URB2: variants seen among roughly 807,000 people sequenced by gnomAD.
URB2 encodes the protein URB2 ribosome biogenesis homolog, also known as unhealthy ribosome biogenesis protein 2 homolog.
A neutral mutation model predicts 120.9 loss-of-function variants in URB2; 86 were observed. The observed-to-expected ratio is 0.71, with a 90% CI of 0.60 to 0.85. The LOEUF (loss-of-function observed/expected upper bound fraction) is 0.85. URB2 is among the 40% of genes least tolerant of loss of function. The pLI is 0.00. For missense variants in URB2, 1,765 were observed against 1,836.5 expected, an observed-to-expected ratio of 0.96 and a Z score of 0.71; for synonymous variants, 755 against 758.4, an observed-to-expected ratio of 1.00 and a Z score of 0.07.
chr1:229,628,190 A>AATATATATGTATATATATTATACATATAC (rs1665570308), intron 2 of URB2, among the ~76,000 whole-genome samples: 1 of 144,500 alleles, frequency 6.9e-6, no homozygotes, highest in Non-Finnish European at 1.5e-5. Flanking sequence ...TAATATATAT[A>AATATATATGTATATATATTATACATATAC]ATATATATGT....
chr1:229,627,926 A>G (rs1390409859), intron 2 of URB2, among the ~76,000 whole-genome samples, 167 bp downstream of exon 2: 1 of 151,464 alleles, frequency 6.6e-6, no homozygotes, highest in Non-Finnish European at 1.5e-5. Context: ...TGAGTCAGGT[A>G]CTTCATTAAT....
intron 2 of URB2, among the ~76,000 whole-genome samples, chr1:229,628,181 AAT>A (rs1262734852): frequency 2.8e-5 from 2 of 70,742 alleles, no homozygotes; most frequent in Non-Finnish European, 6.6e-5. Flanking sequence ...ATATGTATAT[AAT>A]ATATATAATA....
rs1479764145 is a variant in URB2 at position 229,659,994 on chromosome 1, G to A, written c.*697G>A. 1 of 152,166 alleles carries A rather than the reference G, an allele frequency of 6.6e-6. No homozygotes were observed. Among genetic ancestry groups the A allele is most frequent in the African/African-American group, 2.4e-5 (1 of 41,514 alleles). The allele number at this position is 152,166 out of a possible 1,614,324, so 9.4% of individuals were successfully genotyped here. On this transcript the variant is annotated 3_prime_UTR_variant, in exon 10 of 10. Coordinates refer to ENST00000258243, the MANE Select transcript of URB2 (RefSeq NM_014777.4). ...CTAATTGTTTTTTCTTATTACCTAAGCAATATATTTTTATTATAGCAACCT... is the reference window on the plus strand; with the variant it reads ...CTAATTGTTTTTTCTTATTACCTAAACAATATATTTTTATTATAGCAACCT...
rs1433273209 is a variant in URB2, at chr1:229,638,247, G to A, written c.3634G>A (p.Asp1212Asn). 3.1e-6 allele frequency: 5 copies of A among 1,588,174 alleles called. No homozygotes were observed. In the South Asian group the frequency reaches 4.6e-5, roughly 15 times the overall value. The change falls in exon 4 of 10, where the codon GAT becomes AAT. Residue 1212 changes from aspartate to asparagine, a missense_variant and splice_region_variant. Coordinates refer to ENST00000258243, the MANE Select transcript of URB2 (RefSeq NM_014777.4). Reference sequence around the variant, plus strand: ...TCATTCTGTGAGAAGAGTTCTTGCAGGTAAGATATTTTCTCTTGAGCTAAT... The same window carrying A: ...TCATTCTGTGAGAAGAGTTCTTGCAAGTAAGATATTTTCTCTTGAGCTAAT... ...MFHSVRRVLA[D>N]PEIPVQVTQD...
chr1:229,652,908 A>C (rs1666315082), intron 8 of URB2, among the ~76,000 whole-genome samples: 1 of 151,648 alleles, frequency 6.6e-6, no homozygotes, highest in Non-Finnish European at 1.5e-5. Context: ...TAGCTTCGTC[A>C]TCTTATCTGC....
chr1:229,635,831 G>A lies in URB2; in HGVS notation c.1218G>A (p.Pro406=), dbSNP rs1665791627. ...TAAACCATGCACAAGCACCCATACC[G>A]GCCTGGTTCCGCTGTCTGAAGACTT... is the stretch of plus-strand genomic sequence containing the variant. The part of the protein sequence containing the change: ...LLINHAQAPI[P]AWFRCLKTLI... The change falls in exon 4 of 10, where the codon CCG becomes CCA. Residue 406 remains proline (P), a synonymous_variant. Transcript: ENST00000258243. 9 of 1,613,956 alleles carry A rather than the reference G, an allele frequency of 5.6e-6. No individual in the cohort carries two copies. Among genetic ancestry groups the A allele is most frequent in the East Asian group, 2.2e-5 (1 of 44,890 alleles).
At chr1:229,655,438 T>C (rs901452499) in intron 9 of URB2, among the ~76,000 whole-genome samples, 5 of 152,244 alleles carry the variant, frequency 3.3e-5, no homozygotes, top group Non-Finnish European at 7.3e-5. Context: ...CTTGCCATGT[T>C]GGCCAGGCTG....
chr1:229,627,528 C>A, intron 1 of URB2, 93 bp from the exon 2 acceptor site: 1 of 1,199,942 alleles, frequency 8.3e-7, no homozygotes. Flanking sequence ...ATTAGGTAAA[C>A]AAGATACAGT....
rs1176238436 is a variant in URB2 at position 229,659,869 on chromosome 1, C to T, written c.*572C>T. 2.0e-5 allele frequency: 3 copies of T among 152,206 alleles called. No homozygotes were observed. Among genetic ancestry groups the T allele is most frequent in the South Asian group, 2.1e-4 (1 of 4,828 alleles). The allele number at this position is 152,206 out of a possible 1,614,324, so 9.4% of individuals were successfully genotyped here. A position where few individuals can be genotyped will look rare whatever the true frequency, so the allele number is the denominator to read the frequency against. On this transcript the variant is annotated 3_prime_UTR_variant, in exon 10 of 10. Coordinates refer to ENST00000258243, the MANE Select transcript of URB2 (RefSeq NM_014777.4). ...GTGGGCACCTCAGGCAGGTCGGTGACGTTTAGCACAGGTGCCAGGGCTCCT... is the reference window on the plus strand; with the variant it reads ...GTGGGCACCTCAGGCAGGTCGGTGATGTTTAGCACAGGTGCCAGGGCTCCT...
intron 2 of URB2, among the ~76,000 whole-genome samples, chr1:229,628,174 T>G (rs964554073): frequency 7.0e-6 from 1 of 142,856 alleles, no homozygotes; most frequent in Non-Finnish European, 1.5e-5. Flanking sequence ...ATAGTATATA[T>G]GTATATAATA....
rs77984857 is a variant in URB2, at chr1:229,627,490, T to G, written c.-13-131T>G. On this transcript the variant is annotated intron_variant, in intron 1 of 9. Transcript: ENST00000258243. ...AGATTTACCCCGACAAATCTGTTGATTCATTAAAAACTTTTAAAAGAATAC... is the reference window on the plus strand; with the variant it reads ...AGATTTACCCCGACAAATCTGTTGAGTCATTAAAAACTTTTAAAAGAATAC... The G allele has an allele frequency of 3.2e-3, 2,749 of 856,226 alleles. 55 individuals carry two copies. The African/African-American group carries it at 0.044, about 14-fold the overall frequency. 53.0% of individuals were successfully genotyped at this position (856,226 alleles called of 1,614,324 possible). A position where few individuals can be genotyped will look rare whatever the true frequency, so the allele number is the denominator to read the frequency against.
At chr1:229,642,890 C>T (rs1666046556) in intron 4 of URB2, among the ~76,000 whole-genome samples, 1 of 152,212 alleles carries the variant, frequency 6.6e-6, no homozygotes. Flanking sequence ...TTACTTTTGA[C>T]TCTCTAGAAA....
intron 5 of URB2, among the ~76,000 whole-genome samples, chr1:229,645,585 G>T (rs1482133411): frequency 6.6e-6 from 1 of 152,132 alleles, no homozygotes; most frequent in Admixed American, 6.5e-5. Context: ...TGTCCTGGCC[G>T]ATTTACGTGC....
At chr1:229,627,073 A>G (rs542934749) in intron 1 of URB2, among the ~76,000 whole-genome samples, 1 of 152,162 alleles carries the variant, frequency 6.6e-6, no homozygotes, top group East Asian at 1.9e-4. Context: ...TCCTTGTGCA[A>G]GTATCTCTTG....
chr1:229,629,253 A>T (rs573808447), intron 2 of URB2, among the ~76,000 whole-genome samples: 1 of 152,358 alleles, frequency 6.6e-6, no homozygotes, highest in Admixed American at 6.5e-5. Flanking sequence ...TATAAATATT[A>T]GTAGTATTAG....
intron 3 of URB2, among the ~76,000 whole-genome samples, chr1:229,632,855 A>G (rs1161650590): frequency 6.7e-6 from 1 of 149,506 alleles, no homozygotes; most frequent in East Asian, 2.0e-4. Flanking sequence ...TCGAGCCACA[A>G]GTGCCACTAG....
At chr1:229,638,292 G>T (rs746920442) in intron 4 of URB2, 45 bp downstream of exon 4, 1 of 1,523,504 alleles carries the variant, frequency 6.6e-7, no homozygotes, top group Non-Finnish European at 8.8e-7. Context: ...TAGAGGTCTG[G>T]TTTCCACTGC....
In URB2 at chr1:229,659,911, T is replaced by G. The variant is rs968837937; in HGVS notation, c.*614T>G. On this transcript the variant is annotated 3_prime_UTR_variant, in exon 10 of 10. Coordinates refer to ENST00000258243, the MANE Select transcript of URB2 (RefSeq NM_014777.4). ...AGGGCTCCTGCCTGCTCCTCCTGTG[T>G]TAGCTCTGTGAAGTTCATTTAGGAA... 1 of 150,836 alleles carries G rather than the reference T, an allele frequency of 6.6e-6. No individual in the cohort carries two copies. Among genetic ancestry groups the G allele is most frequent in the African/African-American group, 2.4e-5 (1 of 41,236 alleles). The allele number at this position is 150,836 out of a possible 1,614,324, so 9.3% of individuals were successfully genotyped here.
At chr1:229,650,987 T>G in intron 7 of URB2, 1 of 247,866 alleles carries the variant, frequency 4.0e-6, no homozygotes. Flanking sequence ...ATAGACCTCC[T>G]GAAGTTACGC....
Sources: gnomAD v4.1 joint callset for allele counts (sites outside exome capture counted in the v4.1 genomes callset) on GRCh38, gnomAD v4.1.1 for gene constraint, MANE v1.5 for transcripts, NCBI Gene and HGNC (gene_info 2026-07-23, HGNC 2026-07-21) for gene names.